Variants in KCNN3 observed in about 807,000 individuals in gnomAD.
KCNN3 encodes the protein small conductance calcium-activated potassium channel protein 3.
In KCNN3, 16 loss-of-function variants were observed where a neutral mutation model predicts 62.9. The observed-to-expected ratio is 0.25, with a 90% CI of 0.17 to 0.39. The LOEUF (loss-of-function observed/expected upper bound fraction) is 0.39, where lower values mean the gene tolerates loss of function less well. KCNN3 is among the 10% of genes least tolerant of loss of function. The pLI, the probability that KCNN3 is intolerant of heterozygous loss-of-function variation, is 1.00. For synonymous variants in KCNN3, 370 were observed against 389.2 expected (o/e 0.95, Z 0.58); for missense variants, 599 against 949.4 (o/e 0.63, Z 4.85).
intron 2 of KCNN3, among the ~76,000 whole-genome samples, chr1:154,781,113 G>T (rs920691942): frequency 6.6e-6 from 1 of 152,228 alleles, no homozygotes; most frequent in African/African-American, 2.4e-5. Context: ...CTCTTGCAGT[G>T]TGTAATGACC....
chr1:154,699,413 C>CTATG lies in KCNN3; in HGVS notation c.*8559_*8562dup, dbSNP rs984107761. On this transcript the variant is annotated 3_prime_UTR_variant, in exon 8 of 8. Transcript: ENST00000271915. ...AATGTGCGGGTATATGTGTGTGCAC[C>CTATG]TATGTATGTATAAATCTGTAAATAT... 1 of 151,874 alleles carries CTATG rather than the reference C, an allele frequency of 6.6e-6. No individual in the cohort carries two copies. Among genetic ancestry groups the CTATG allele is most frequent in the African/African-American group, 2.4e-5 (1 of 41,308 alleles). The allele number at this position is 151,874 out of a possible 1,614,324, so 9.4% of individuals were successfully genotyped here.
chr1:154,860,687 C>T (rs1450088257), intron 1 of KCNN3, among the ~76,000 whole-genome samples: 3 of 152,200 alleles, frequency 2.0e-5, no homozygotes, highest in African/African-American at 4.8e-5. Context: ...ATGTTCCACA[C>T]GTGCTCTCCA....
intron 2 of KCNN3, among the ~76,000 whole-genome samples, chr1:154,814,617 T>C (rs944767980): frequency 2.0e-5 from 3 of 152,210 alleles, no homozygotes; most frequent in Non-Finnish European, 4.4e-5. Flanking sequence ...CAAGGCCTCA[T>C]AGATGTGAAA....
intron 2 of KCNN3, among the ~76,000 whole-genome samples, chr1:154,783,611 C>G (rs1194103203): frequency 6.6e-6 from 1 of 152,138 alleles, no homozygotes; most frequent in African/African-American, 2.4e-5. Context: ...GGGGTGGGGT[C>G]AGAGGAGACC....
chr1:154,826,050 AAAAAAC>A lies in KCNN3; in HGVS notation c.934-3872_934-3867del, dbSNP rs554590439. On this transcript the variant is annotated intron_variant, in intron 1 of 7. Coordinates refer to ENST00000271915, the MANE Select transcript of KCNN3 (RefSeq NM_002249.6). ...GTGAAGAGCGAGACTCCATCTTAAA[AAAAAAC>A]AAAAACAAAAACAAAAACAAAAACA... Among the ~76,000 whole-genome samples, 167 of 70,080 alleles carry A rather than the reference AAAAAAC, an allele frequency of 2.4e-3. 4 individuals carry two copies. Among genetic ancestry groups the A allele is most frequent in the South Asian group, 0.015 (30 of 1,994 alleles). The allele number at this position is 70,080 out of a possible 152,430, so 46.0% of individuals were successfully genotyped here.
chr1:154,709,650 G>T (rs1700034030), intron 7 of KCNN3, among the ~76,000 whole-genome samples: 1 of 152,196 alleles, frequency 6.6e-6, no homozygotes. Flanking sequence ...TCACAAGGTG[G>T]CATGGAGATG....
At chr1:154,808,622 G>C (rs899428260) in intron 2 of KCNN3, among the ~76,000 whole-genome samples, 3 of 152,182 alleles carry the variant, frequency 2.0e-5, no homozygotes, top group African/African-American at 7.2e-5. Context: ...CAATAGCTCT[G>C]TGCTGAATGA....
At chr1:154,865,536 T>C (rs1652918577) in intron 1 of KCNN3, among the ~76,000 whole-genome samples, 1 of 152,226 alleles carries the variant, frequency 6.6e-6, no homozygotes, top group South Asian at 2.1e-4. Flanking sequence ...GGCTGATGCC[T>C]CCTAGCAGAG....
chr1:154,757,132 G>A (rs1647761942), intron 3 of KCNN3, among the ~76,000 whole-genome samples: 1 of 152,216 alleles, frequency 6.6e-6, no homozygotes, highest in African/African-American at 2.4e-5. Flanking sequence ...GGTATGGGGG[G>A]AATCAGTATG....
chr1:154,825,588 G>A (rs1169334451), intron 1 of KCNN3, among the ~76,000 whole-genome samples: 1 of 151,340 alleles, frequency 6.6e-6, no homozygotes, highest in South Asian at 2.1e-4. Flanking sequence ...GGATGGTCTC[G>A]ATCTCCTGGC....
At chr1:154,736,849 A>C (rs182027611) in intron 3 of KCNN3, among the ~76,000 whole-genome samples, 1 of 152,302 alleles carries the variant, frequency 6.6e-6, no homozygotes, top group East Asian at 1.9e-4. Flanking sequence ...TCACCATAAT[A>C]AACTCCTGTG....
At chr1:154,855,766 T>A (rs955163605) in intron 1 of KCNN3, among the ~76,000 whole-genome samples, 1 of 152,236 alleles carries the variant, frequency 6.6e-6, no homozygotes, top group African/African-American at 2.4e-5. Context: ...TCAATAACTT[T>A]GTCAAATGAA....
intron 3 of KCNN3, among the ~76,000 whole-genome samples, chr1:154,738,972 G>A (rs758424034): frequency 2.4e-4 from 37 of 152,230 alleles, no homozygotes; most frequent in East Asian, 3.9e-4. Context: ...TGAAGGGAGA[G>A]GAAGAGTTGG....
chr1:154,829,234 G>T (rs1025364523), intron 1 of KCNN3, among the ~76,000 whole-genome samples: 10 of 152,372 alleles, frequency 6.6e-5, no homozygotes, highest in African/African-American at 2.4e-4. Flanking sequence ...GACACATCAG[G>T]CTGGGACAGC....
intron 1 of KCNN3, among the ~76,000 whole-genome samples, chr1:154,838,731 G>A (rs1651704673): frequency 6.6e-6 from 1 of 152,178 alleles, no homozygotes; most frequent in Non-Finnish European, 1.5e-5. Context: ...CTCTTCGGGA[G>A]ACAATTCTAA....
At position 154,851,168 on chromosome 1, in the gene KCNN3, G is replaced by A. The variant is rs548197426; in HGVS notation, c.933+17864C>T. Among the ~76,000 whole-genome samples, 472 of 152,024 alleles carry A rather than the reference G, an allele frequency of 3.1e-3. 1 individual carries two copies. The highest frequency in any genetic ancestry group is 6.7e-3 in the Admixed American group (102 of 15,276). On this transcript the variant is annotated intron_variant, in intron 1 of 7. Transcript: ENST00000271915. ...TAATTTTTGTATTTTTTGTAGAGAC[G>A]GGGTTTCACCATGTTGGCCAGGTTG...
chr1:154,714,610 GT>G (rs768890526), intron 6 of KCNN3, among the ~76,000 whole-genome samples: 154 of 13,364 alleles, frequency 0.012, 2 homozygotes, highest in African/African-American at 0.015. Flanking sequence ...TGTGTGGTGT[GT>G]GGTGTGTGTG....
chr1:154,861,042 C>T (rs1282713972), intron 1 of KCNN3, among the ~76,000 whole-genome samples: 5 of 151,264 alleles, frequency 3.3e-5, no homozygotes, highest in Admixed American at 6.6e-5. Context: ...GCAACCTCCG[C>T]CTCCCGGGTT....
chr1:154,821,954 C>T (rs747814825), intron 2 of KCNN3, 135 bp downstream of exon 2: 8 of 705,108 alleles, frequency 1.1e-5, no homozygotes, highest in African/African-American at 5.3e-5. Flanking sequence ...AGAAGAGCCA[C>T]GATCTTGGGC....
Sources: allele counts gnomAD v4.1 joint callset (sites outside exome capture counted in the v4.1 genomes callset), GRCh38; gene constraint gnomAD v4.1.1; transcripts MANE v1.5; gene names NCBI Gene and HGNC (gene_info 2026-07-23, HGNC 2026-07-21).